The following TTLL5 variants were observed in gnomAD, a reference collection of about 807,000 sequenced individuals.
TTLL5 encodes tubulin polyglutamylase TTLL5.
TTLL5 carries 132 observed loss-of-function variants against 168.4 expected under a neutral mutation model. The observed-to-expected ratio is 0.78, with a 90% confidence interval of 0.68 to 0.91. The LOEUF is 0.91. Among genes scored for constraint, TTLL5 ranks in the 40% least tolerant of loss-of-function variants. The pLI, the probability that TTLL5 is intolerant of heterozygous loss-of-function variation, is 0.00. For missense variants in TTLL5, 1,545 were observed against 1,581.5 expected (o/e 0.98, Z 0.39); for synonymous variants, 546 against 558.6 (o/e 0.98, Z 0.32).
chr14:75,707,509 A>G, intron 8 of TTLL5, 114 bp from the exon 9 acceptor site: 2 of 791,286 alleles, frequency 2.5e-6, no homozygotes, highest in Non-Finnish European at 4.0e-6. Flanking sequence ...TGTGTGTTTC[A>G]TGTGGAGTGT....
intron 2 of TTLL5, among the ~76,000 whole-genome samples, chr14:75,666,757 C>T (rs577967922): frequency 1.2e-4 from 19 of 152,284 alleles, no homozygotes; most frequent in Non-Finnish European, 2.6e-4. Flanking sequence ...CTGCTTACAG[C>T]TCCATCTTTG....
intron 31 of TTLL5, among the ~76,000 whole-genome samples, chr14:75,922,159 T>C (rs1037832428): frequency 3.6e-5 from 4 of 112,378 alleles, no homozygotes; most frequent in African/African-American, 1.5e-4. Context: ...TTTCTAAATA[T>C]ACAATCATGT....
intron 24 of TTLL5, among the ~76,000 whole-genome samples, chr14:75,781,847 T>A (rs1025587949): frequency 2.7e-5 from 4 of 150,702 alleles, no homozygotes; most frequent in Non-Finnish European, 1.5e-5. Context: ...TCCCAAGTAC[T>A]CAGGAGGCTG....
At chr14:75,787,004 T>C (rs575885612) in intron 26 of TTLL5, among the ~76,000 whole-genome samples, 1 of 151,968 alleles carries the variant, frequency 6.6e-6, no homozygotes, top group African/African-American at 2.4e-5. Flanking sequence ...ATGGTGGCGC[T>C]GGCCTGTAGT....
chr14:75,769,332 C>T (rs1009176664), intron 20 of TTLL5, among the ~76,000 whole-genome samples: 1 of 152,122 alleles, frequency 6.6e-6, no homozygotes, highest in South Asian at 2.1e-4. Context: ...CTAAGGATCG[C>T]GTCATTGTTG....
intron 31 of TTLL5, among the ~76,000 whole-genome samples, chr14:75,937,613 A>G (rs1220206540): frequency 6.6e-6 from 1 of 152,170 alleles, no homozygotes; most frequent in Non-Finnish European, 1.5e-5. Context: ...AAGTGGAATC[A>G]TACGGTATTT....
chr14:75,686,232 C>T (rs1885038521), intron 5 of TTLL5, among the ~76,000 whole-genome samples: 1 of 152,114 alleles, frequency 6.6e-6, no homozygotes, highest in Non-Finnish European at 1.5e-5. Flanking sequence ...ACCAAGGTGC[C>T]TTTTTGGAGT....
At chr14:75,780,027 G>A (rs1208602471) in intron 24 of TTLL5, among the ~76,000 whole-genome samples, 1 of 152,084 alleles carries the variant, frequency 6.6e-6, no homozygotes, top group Non-Finnish European at 1.5e-5. Context: ...CATATAGAGT[G>A]GGCACTACTA....
intron 15 of TTLL5, among the ~76,000 whole-genome samples, chr14:75,736,264 T>G (rs1460862892): frequency 6.6e-6 from 1 of 152,130 alleles, no homozygotes; most frequent in Non-Finnish European, 1.5e-5. Context: ...ACTTTAACCC[T>G]TTACTCCTCA....
In TTLL5 at chr14:75,921,521, G is replaced by A. The variant is rs202025810; in HGVS notation, c.3823+19297G>A. On this transcript the variant is annotated intron_variant, in intron 31 of 31. Coordinates refer to ENST00000298832, the MANE Select transcript of TTLL5 (RefSeq NM_015072.5). ...GCTTGTTTTTGTCAGGTTTGTCAAA[G>A]ATCAGATTGTTGTAGATGTGTTCTG... is the stretch of plus-strand genomic sequence containing the variant. Among the ~76,000 whole-genome samples the A allele has an allele frequency of 1.9e-4, 29 of 152,286 alleles. No individual in the cohort carries two copies. In the East Asian group the frequency reaches 5.4e-3, roughly 28 times the overall value.
At chr14:75,925,250 T>A (rs2033995498) in intron 31 of TTLL5, among the ~76,000 whole-genome samples, 1 of 148,434 alleles carries the variant, frequency 6.7e-6, no homozygotes, top group Non-Finnish European at 1.5e-5. Flanking sequence ...CCCACCTCCC[T>A]CCCGGACGGG....
At chr14:75,943,502 A>G (rs2034676279) in intron 31 of TTLL5, among the ~76,000 whole-genome samples, 1 of 151,490 alleles carries the variant, frequency 6.6e-6, no homozygotes, top group African/African-American at 2.4e-5. Context: ...GACCCCTTGT[A>G]AGCTTGGGCA....
At chr14:75,922,776 A>G (rs372698579) in intron 31 of TTLL5, among the ~76,000 whole-genome samples, 8 of 152,110 alleles carry the variant, frequency 5.3e-5, no homozygotes, top group South Asian at 2.1e-4. Context: ...CTGTTTTTCT[A>G]TTGACTGGAA....
At chr14:75,922,141 G>A (rs1201513991) in intron 31 of TTLL5, among the ~76,000 whole-genome samples, 13 of 148,494 alleles carry the variant, frequency 8.8e-5, no homozygotes, top group South Asian at 2.2e-4. Flanking sequence ...GGGCTGAGAC[G>A]ATGGGGTTTT....
At chr14:75,737,675 G>A (rs2140243648) in intron 15 of TTLL5, 1 of 1,471,606 alleles carries the variant, frequency 6.8e-7, no homozygotes, top group East Asian at 2.5e-5. Context: ...AAGTTTTTTA[G>A]CTTTAGTTTT....
chr14:75,840,868 G>C (rs1177006030), intron 28 of TTLL5, among the ~76,000 whole-genome samples: 6 of 152,088 alleles, frequency 3.9e-5, no homozygotes, highest in Admixed American at 1.3e-4. Context: ...GGTAATTTAT[G>C]AAGAAAAAAG....
chr14:75,753,554 T>G (rs1566588896), intron 18 of TTLL5, among the ~76,000 whole-genome samples: 1 of 152,210 alleles, frequency 6.6e-6, no homozygotes, highest in African/African-American at 2.4e-5. Flanking sequence ...CCCTAGTTAT[T>G]TAGAGAAACC....
At position 75,806,093 on chromosome 14, in the gene TTLL5, C is replaced by T. The variant is rs570422498; in HGVS notation, c.3171+12993C>T. Among the ~76,000 whole-genome samples, 6 of 150,758 alleles carry T rather than the reference C, an allele frequency of 4.0e-5. No individual in the cohort carries two copies. The East Asian group carries it at 5.9e-4, about 15-fold the overall frequency. On this transcript the variant is annotated intron_variant, in intron 27 of 31. Transcript: ENST00000298832. ...GCTCAGACTGGAGTGCAGTGGTGCG[C>T]GATCTCAGCTCACTACAATCTCTGC...
intron 6 of TTLL5, among the ~76,000 whole-genome samples, chr14:75,696,884 C>T (rs929435888): frequency 6.6e-6 from 1 of 152,132 alleles, no homozygotes; most frequent in Non-Finnish European, 1.5e-5. Context: ...AAGATCATTC[C>T]ATATCAGTTC....
Sources: gnomAD v4.1 joint callset for allele counts (sites outside exome capture counted in the v4.1 genomes callset) on GRCh38, gnomAD v4.1.1 for gene constraint, MANE v1.5 for transcripts, NCBI Gene and HGNC (gene_info 2026-07-23, HGNC 2026-07-21) for gene names.